Variants in DIPK1A observed in about 807,000 individuals in gnomAD.
DIPK1A encodes family with sequence similarity 69 member A.
In DIPK1A, 27 loss-of-function variants were observed where a neutral mutation model predicts 40.8. The ratio of observed to expected loss-of-function variants is 0.66; its 90% CI spans 0.49 to 0.91. DIPK1A has a LOEUF of 0.91. DIPK1A is among the 40% of genes least tolerant of loss of function. DIPK1A has a pLI of 0.00. For missense variants in DIPK1A, 412 were observed against 505.7 expected (o/e 0.81, Z 1.78); for synonymous variants, 166 against 171.3 (o/e 0.97, Z 0.24).
intron 4 of DIPK1A, chr1:92,833,335 A>G: frequency 6.4e-6 from 9 of 1,401,460 alleles, no homozygotes; most frequent in South Asian, 1.2e-5. Context: ...ATTTATGTCA[A>G]AAGTATCATA....
At chr1:92,872,518 TG>T (rs1647923227) in intron 2 of DIPK1A, among the ~76,000 whole-genome samples, 1 of 152,252 alleles carries the variant, frequency 6.6e-6, no homozygotes, top group Non-Finnish European at 1.5e-5. Context: ...TCTTAATATC[TG>T]GATCATCTGG....
chr1:92,904,568 C>T (rs998493574), intron 1 of DIPK1A, among the ~76,000 whole-genome samples: 1 of 151,938 alleles, frequency 6.6e-6, no homozygotes, highest in African/African-American at 2.4e-5. Context: ...ATGAGGTACA[C>T]GAGATTTTGT....
intron 1 of DIPK1A, among the ~76,000 whole-genome samples, chr1:92,892,383 A>G (rs189159356): frequency 6.6e-6 from 1 of 152,116 alleles, no homozygotes; most frequent in Non-Finnish European, 1.5e-5. Context: ...TCTGCTGCTG[A>G]TACCCAGGGT....
At chr1:92,873,680 T>C (rs1451603477) in intron 2 of DIPK1A, among the ~76,000 whole-genome samples, 3 of 152,162 alleles carry the variant, frequency 2.0e-5, no homozygotes, top group African/African-American at 7.2e-5. Context: ...CCTATCTTGT[T>C]AGCACTTTGA....
intron 1 of DIPK1A, among the ~76,000 whole-genome samples, chr1:92,897,420 A>G (rs1649219627): frequency 6.6e-6 from 1 of 151,018 alleles, no homozygotes; most frequent in African/African-American, 2.4e-5. Flanking sequence ...AAAAACAAAC[A>G]CCGCATGTTC....
chr1:92,863,952 G>T (rs1336257354), intron 2 of DIPK1A, among the ~76,000 whole-genome samples: 1 of 152,164 alleles, frequency 6.6e-6, no homozygotes, highest in Non-Finnish European at 1.5e-5. Flanking sequence ...AGCTACTCAG[G>T]AGGCTGAGGC....
chr1:92,842,408 C>G lies in DIPK1A; in HGVS notation c.*975G>C. The G allele has an allele frequency of 4.1e-6, 4 of 981,134 alleles. No individual in the cohort carries two copies. Among genetic ancestry groups the G allele is most frequent in the Non-Finnish European group, 4.8e-6 (4 of 826,058 alleles). 60.8% of individuals were successfully genotyped at this position (981,134 alleles called of 1,614,324 possible). A position where few individuals can be genotyped will look rare whatever the true frequency, so the allele number is the denominator to read the frequency against. ...AGATGTTGAAAGGTACATGCCAAATCTGAGTATACGTGTGAAAATAATATG... is the reference window on the plus strand; with the variant it reads ...AGATGTTGAAAGGTACATGCCAAATGTGAGTATACGTGTGAAAATAATATG... On this transcript the variant is annotated 3_prime_UTR_variant, in exon 5 of 5. Coordinates refer to ENST00000370310, the MANE Select transcript of DIPK1A (RefSeq NM_001006605.5).
chr1:92,862,067 T>C (rs1647307462), intron 2 of DIPK1A, among the ~76,000 whole-genome samples: 1 of 152,200 alleles, frequency 6.6e-6, no homozygotes, highest in African/African-American at 2.4e-5. Flanking sequence ...GGAATTCTCT[T>C]CCTTTCTCAC....
chr1:92,867,155 C>A (rs369376312), intron 2 of DIPK1A, among the ~76,000 whole-genome samples: 16 of 151,674 alleles, frequency 1.1e-4, no homozygotes, highest in African/African-American at 3.9e-4. Context: ...ATTTGCCCAA[C>A]TTATACAGCT....
chr1:92,896,868 A>C (rs1279557069), intron 1 of DIPK1A, among the ~76,000 whole-genome samples: 1 of 151,724 alleles, frequency 6.6e-6, no homozygotes, highest in Non-Finnish European at 1.5e-5. Flanking sequence ...ACTTCTCAAA[A>C]GAAGACATTT....
chr1:92,948,485 T>C (rs748359690), intron 1 of DIPK1A, among the ~76,000 whole-genome samples: 46 of 151,698 alleles, frequency 3.0e-4, no homozygotes, highest in Non-Finnish European at 2.7e-4. Flanking sequence ...GTTCTCATTA[T>C]GTTGCCCAGG....
intron 1 of DIPK1A, among the ~76,000 whole-genome samples, chr1:92,945,301 G>A (rs1434897771): frequency 6.6e-6 from 1 of 151,962 alleles, no homozygotes; most frequent in African/African-American, 2.4e-5. Context: ...TTTTTAAAAA[G>A]GAAGGAAAAA....
At chr1:92,861,642 T>G (rs1247052753) in intron 2 of DIPK1A, among the ~76,000 whole-genome samples, 1 of 152,090 alleles carries the variant, frequency 6.6e-6, no homozygotes, top group Non-Finnish European at 1.5e-5. Flanking sequence ...TCATAACAGT[T>G]TTAACAATGA....
At position 92,867,286 on chromosome 1, in the gene DIPK1A, C is replaced by T. The variant is rs61803172; in HGVS notation, c.189+9010G>A. On this transcript the variant is annotated intron_variant, in intron 2 of 4. Coordinates refer to ENST00000370310, the MANE Select transcript of DIPK1A (RefSeq NM_001006605.5). ...GGCCAGGATGGTCTTGATCTCTTGA[C>T]CTCGTGATCCGCCCGCCTCGGCCTC... is the stretch of plus-strand genomic sequence containing the variant. Among the ~76,000 whole-genome samples, 868 of 149,762 alleles carry T rather than the reference C, an allele frequency of 5.8e-3. 5 individuals carry two copies. Among genetic ancestry groups the T allele is most frequent in the Non-Finnish European group, 8.1e-3 (545 of 67,686 alleles).
chr1:92,862,911 C>A (rs1046579088), intron 2 of DIPK1A, among the ~76,000 whole-genome samples: 1 of 152,190 alleles, frequency 6.6e-6, no homozygotes, highest in African/African-American at 2.4e-5. Context: ...TCAGATGTAA[C>A]CTTTTCCAGA....
downstream of DIPK1A, among the ~76,000 whole-genome samples, chr1:92,839,875 CT>C (rs1395679286): frequency 6.6e-6 from 1 of 151,074 alleles, no homozygotes; most frequent in African/African-American, 2.4e-5. Context: ...GGATCTTGTT[CT>C]GTTTCCTGGG....
Position 92,850,868 on chromosome 1 carries a change from A to G in DIPK1A, c.277T>C (p.Ser93Pro). 5.8e-6 allele frequency: 9 copies of G among 1,564,564 alleles called. No individual in the cohort carries two copies. The highest frequency in any genetic ancestry group is 7.8e-6 in the Non-Finnish European group (9 of 1,152,568). ...CATACCTGATTGTTGGGCTTGGTGG[A>G]TAAACATTTTCCAAAGTAAAGAGTT... ...TETLYFGKCL[S>P]TKPNNQMYLG... Residue 93 changes from serine to proline, a missense_variant, in exon 3 of 5, where the codon TCC becomes CCC. By Grantham distance (74) the Ser-to-Pro change is moderately conservative. Coordinates refer to ENST00000370310, the MANE Select transcript of DIPK1A (RefSeq NM_001006605.5).
intron 1 of DIPK1A, among the ~76,000 whole-genome samples, chr1:92,893,713 G>C (rs1301447947): frequency 6.6e-6 from 1 of 151,816 alleles, no homozygotes; most frequent in Non-Finnish European, 1.5e-5. Context: ...CTGGCAAATT[G>C]GATAAAGAGT....
chr1:92,850,942 T>A lies in DIPK1A; in HGVS notation c.203A>T (p.Lys68Met). 6.4e-7 allele frequency: 1 copy of A among 1,564,948 alleles called. No individual in the cohort carries two copies. The highest frequency in any genetic ancestry group is 8.7e-7 in the Non-Finnish European group (1 of 1,153,778). Residue 68 changes from lysine (K) to methionine (M), a missense_variant, in exon 3 of 5, where the codon AAG (lysine) becomes ATG (methionine). Physicochemically the swap from Lys to Met is moderately conservative, Grantham distance 95. Transcript: ENST00000370310. ...DCKKIICDKY[K>M]TGVIDGPACN... ...TGCAGGCCCATCAATAACTCCAGTC[T>A]TGTACTTGTCACACTAAAAACCAGG...
Sources: gnomAD v4.1 joint callset for allele counts (sites outside exome capture counted in the v4.1 genomes callset) on GRCh38, gnomAD v4.1.1 for gene constraint, MANE v1.5 for transcripts, NCBI Gene and HGNC (gene_info 2026-07-23, HGNC 2026-07-21) for gene names.